The following RPS13 variants were observed in gnomAD, a reference collection of about 807,000 sequenced individuals.
RPS13 encodes the protein small ribosomal subunit protein uS15.
A neutral mutation model predicts 24.6 loss-of-function variants in RPS13; 1 was observed. That is an observed-to-expected ratio of 0.04 (90% CI 0.01 to 0.19). The LOEUF (loss-of-function observed/expected upper bound fraction) is 0.19. Ranked by LOEUF, RPS13 falls within the 10% of genes least tolerant of loss-of-function variation. The pLI is 1.00. For missense variants in RPS13, 88 were observed against 187.4 expected, an observed-to-expected ratio of 0.47 and a Z score of 3.10; for synonymous variants, 69 against 65.3, an observed-to-expected ratio of 1.06 and a Z score of -0.27.
chr11:17,076,837 C>A, intron 3 of RPS13: 1 of 423,892 alleles, frequency 2.4e-6, no homozygotes, highest in Non-Finnish European at 4.3e-6. Flanking sequence ...TCAAACCACA[C>A]CTAACTGTGA....
At chr11:17,076,895 G>C (rs984525417) in intron 3 of RPS13, 1 of 516,438 alleles carries the variant, frequency 1.9e-6, no homozygotes, top group Non-Finnish European at 3.5e-6. Context: ...TCCTCCACTT[G>C]ACAGCTGTGT....
At position 17,077,157 on chromosome 11, in the gene RPS13, C is replaced by CA; in HGVS notation, c.151+10dup. The CA allele has an allele frequency of 6.2e-7, 1 of 1,604,504 alleles. No individual in the cohort carries two copies. Among genetic ancestry groups the CA allele is most frequent in the Non-Finnish European group, 8.5e-7 (1 of 1,171,736 alleles). The stretch of plus-strand genomic sequence containing the variant: ...CAGGCGAAATAGGCTATGTTAGACA[C>CA]AAACACTCACCGATCTGTGAAGGAG... On this transcript the variant is annotated intron_variant, in intron 3 of 5. Coordinates refer to ENST00000525634, the MANE Select transcript of RPS13 (RefSeq NM_001017.3).
intron 3 of RPS13, 44 bp downstream of exon 3, chr11:17,077,124 C>T (rs377651600): frequency 6.9e-7 from 1 of 1,443,580 alleles, no homozygotes; most frequent in Non-Finnish European, 9.7e-7. Flanking sequence ...CTACAAGTCA[C>T]ACGAGGACAG....
At position 17,077,384 on chromosome 11, in the gene RPS13, C is replaced by T. The variant is rs142165633; in HGVS notation, c.72+45G>A. 180 of 1,596,778 alleles carry T rather than the reference C, an allele frequency of 1.1e-4. No individual in the cohort carries two copies. The South Asian group carries it at 1.6e-3, about 14-fold the overall frequency. Reference sequence around the variant, plus strand: ...GGCGTCGCTTCACCCGAGACAAATGCCAACCCCCTCCCCGGATTCTCCCCG... The same window carrying T: ...GGCGTCGCTTCACCCGAGACAAATGTCAACCCCCTCCCCGGATTCTCCCCG... On this transcript the variant is annotated intron_variant, in intron 2 of 5. Transcript: ENST00000525634.
chr11:17,075,690 G>T, intron 3 of RPS13, 67 bp from the exon 4 acceptor site: 1 of 1,303,298 alleles, frequency 7.7e-7, no homozygotes, highest in Non-Finnish European at 1.1e-6. Context: ...TGATGTCAAG[G>T]CTCAGAAATC....
chr11:17,074,752 A>C, intron 5 of RPS13: 1 of 671,092 alleles, frequency 1.5e-6, no homozygotes, highest in Non-Finnish European at 2.7e-6. Flanking sequence ...TGAGCAATTC[A>C]TGTGAAAATT....
intron 3 of RPS13, 64 bp from the exon 4 acceptor site, chr11:17,075,687 A>T: frequency 7.6e-7 from 1 of 1,312,992 alleles, no homozygotes; most frequent in Non-Finnish European, 1.1e-6. Flanking sequence ...TGATGATGTC[A>T]AGGCTCAGAA....
chr11:17,075,631 G>T lies in RPS13; in HGVS notation c.152-8C>A, dbSNP rs751909327. The T allele has an allele frequency of 6.3e-7, 1 of 1,586,596 alleles. No individual in the cohort carries two copies. Among genetic ancestry groups the T allele is most frequent in the Admixed American group, 1.8e-5 (1 of 54,196 alleles). On this transcript the variant is annotated splice_polypyrimidine_tract_variant and splice_region_variant and intron_variant, in intron 3 of 5. Coordinates refer to ENST00000525634, the MANE Select transcript of RPS13 (RefSeq NM_001017.3). ...AATCTCTCAGGATTACACCTGAAAA[G>T]GGAATCACGTTTTAACTTTCAACAC... is the stretch of plus-strand genomic sequence containing the variant.
chr11:17,075,088 G>T lies in RPS13; in HGVS notation c.422+9C>A. ...TCTTGATAACAACGACAAAAGAGTT[G>T]ATACTTACTATTTCCAATTGGGAGG... is the stretch of plus-strand genomic sequence containing the variant. On this transcript the variant is annotated intron_variant, in intron 5 of 5. Coordinates refer to ENST00000525634, the MANE Select transcript of RPS13 (RefSeq NM_001017.3). 6.4e-7 allele frequency: 1 copy of T among 1,567,006 alleles called. No homozygotes were observed. The highest frequency in any genetic ancestry group is 1.1e-5 in the South Asian group (1 of 87,996).
At chr11:17,077,519 C>A (rs200055065) in intron 1 of RPS13, 42 bp from the exon 2 acceptor site, 1 of 1,613,214 alleles carries the variant, frequency 6.2e-7, no homozygotes, top group African/African-American at 1.3e-5. Context: ...GCGGCTAGTG[C>A]CAGAGCAGCC....
At chr11:17,074,999 T>C (rs1191603894) in intron 5 of RPS13, 98 bp downstream of exon 5, 2 of 817,318 alleles carry the variant, frequency 2.4e-6, no homozygotes, top group Admixed American at 5.0e-5. Flanking sequence ...TGAACATATT[T>C]ACTACTAGCC....
chr11:17,077,579 A>ACCCCCCCCC, intron 1 of RPS13, 40 bp downstream of exon 1: 1 of 487,340 alleles, frequency 2.1e-6, no homozygotes, highest in Admixed American at 2.5e-5. Context: ...TCTTCCTCCC[A>ACCCCCCCCC]CCCCCCGCCC....
Position 17,075,099 on chromosome 11 carries a change from T to C in RPS13, c.420A>G (p.Lys140=), listed in dbSNP as rs146930376. ...ACGACAAAAGAGTTGATACTTACTATTTCCAATTGGGAGGGAGGACTCGCT... is the reference window on the plus strand; with the variant it reads ...ACGACAAAAGAGTTGATACTTACTACTTCCAATTGGGAGGGAGGACTCGCT... ...KTKRVLPPNW[K]YESSTASALV... Residue 140 remains lysine, a splice_region_variant and synonymous_variant, in exon 5 of 6, where the codon AAA becomes AAG. Transcript: ENST00000525634. 1.9e-6 allele frequency: 3 copies of C among 1,598,260 alleles called. No homozygotes were observed. In the African/African-American group the frequency reaches 4.0e-5, roughly 22 times the overall value.
At position 17,075,139 on chromosome 11, in the gene RPS13, C is replaced by T. The variant is rs1247502479; in HGVS notation, c.380G>A (p.Arg127Gln). The change falls in exon 5 of 6, where the codon CGA becomes CAA. Residue 127 changes from arginine (R) to glutamine (Q), a missense_variant. Transcript: ENST00000525634. ...LIESRIHRLA[R>Q]YYKTKRVLPP... Reference sequence around the variant, plus strand: ...GAGGACTCGCTTGGTCTTATAATATCGAGCCAAACGGTGAATCCGGCTCTC... The same window carrying T: ...GAGGACTCGCTTGGTCTTATAATATTGAGCCAAACGGTGAATCCGGCTCTC... The T allele has an allele frequency of 3.7e-6, 6 of 1,611,650 alleles. No individual in the cohort carries two copies. Among genetic ancestry groups the T allele is most frequent in the South Asian group, 2.2e-5 (2 of 90,574 alleles).
Position 17,075,435 on chromosome 11 carries a change from G to T in RPS13, c.321+19C>A, listed in dbSNP as rs755479268. Reference sequence around the variant, plus strand: ...TACAAGCAGTCCTACTTAGCACCAGGTTTTATTTATTAGCTTACCTTTCTG... The same window carrying T: ...TACAAGCAGTCCTACTTAGCACCAGTTTTTATTTATTAGCTTACCTTTCTG... On this transcript the variant is annotated intron_variant, in intron 4 of 5. Coordinates refer to ENST00000525634, the MANE Select transcript of RPS13 (RefSeq NM_001017.3). The T allele has an allele frequency of 2.0e-6, 3 of 1,534,672 alleles. No homozygotes were observed. Among genetic ancestry groups the T allele is most frequent in the African/African-American group, 2.8e-5 (2 of 71,838 alleles).
chr11:17,074,714 G>C, intron 5 of RPS13: 1 of 687,896 alleles, frequency 1.5e-6, no homozygotes, highest in South Asian at 1.5e-5. Flanking sequence ...GGTGGAAACT[G>C]CGAATGTCTG....
chr11:17,075,745 A>G (rs762726137), intron 3 of RPS13, 122 bp from the exon 4 acceptor site: 47 of 787,452 alleles, frequency 6.0e-5, no homozygotes, highest in Admixed American at 8.2e-5. Flanking sequence ...ACTTTTATAC[A>G]TCACAGAAAC....
Position 17,077,490 on chromosome 11 carries a change from G to A in RPS13, c.24-13C>T, listed in dbSNP as rs772312698. 2 of 1,614,016 alleles carry A rather than the reference G, an allele frequency of 1.2e-6. No individual in the cohort carries two copies. The highest frequency in any genetic ancestry group is 1.7e-6 in the Non-Finnish European group (2 of 1,179,986). ...GGACAGGCCCTTCCTGGGGAGAGAA[G>A]CAGTCTCGAGGTGAGGTGGCGGCTA... is the stretch of plus-strand genomic sequence containing the variant. On this transcript the variant is annotated splice_polypyrimidine_tract_variant and intron_variant, in intron 1 of 5. Coordinates refer to ENST00000525634, the MANE Select transcript of RPS13 (RefSeq NM_001017.3).
At position 17,075,532 on chromosome 11, in the gene RPS13, A is replaced by C; in HGVS notation, c.243T>G (p.Ala81=). The C allele has an allele frequency of 6.2e-7, 1 of 1,607,098 alleles. No homozygotes were observed. Among genetic ancestry groups the C allele is most frequent in the South Asian group, 1.1e-5 (1 of 89,714 alleles). ...GGTAGAGATCTTCAGGAAGATCAGG[A>C]GCAAGTCCCTTAGACTTAAGAATTC... ...ILRILKSKGL[A]PDLPEDLYHL... is the part of the protein sequence containing the mutation. The change falls in exon 4 of 6, where the codon GCT becomes GCG. Residue 81 remains alanine (A), a synonymous_variant. Coordinates refer to ENST00000525634, the MANE Select transcript of RPS13 (RefSeq NM_001017.3).
Sources: allele counts gnomAD v4.1 joint callset, GRCh38; gene constraint gnomAD v4.1.1; transcripts MANE v1.5; gene names NCBI Gene and HGNC (gene_info 2026-07-23, HGNC 2026-07-21).